The following EPHA10 variants were observed in gnomAD, a reference collection of about 807,000 sequenced individuals.
The protein encoded by EPHA10 is ephrin type-A receptor 10.
In EPHA10, 120 loss-of-function variants were observed where a neutral mutation model predicts 109.7. The ratio of observed to expected loss-of-function variants is 1.09; its 90% CI spans 0.94 to 1.27. EPHA10 has a LOEUF of 1.27. Among genes scored for constraint, EPHA10 ranks in the 50% most tolerant of loss-of-function variants. The pLI, the probability that EPHA10 is intolerant of heterozygous loss-of-function variation, is 0.00. For synonymous variants in EPHA10, 640 were observed against 618.9 expected, an observed-to-expected ratio of 1.03 and a Z score of -0.51; for missense variants, 1,396 against 1,411.1, an observed-to-expected ratio of 0.99 and a Z score of 0.17.
At chr1:37,741,784 G>T (rs990153304) in intron 5 of EPHA10, among the ~76,000 whole-genome samples, 2 of 147,972 alleles carry the variant, frequency 1.4e-5, no homozygotes, top group South Asian at 4.2e-4. Flanking sequence ...CCAAGTCTTT[G>T]TCAAGTGGAC....
chr1:37,719,444 G>T lies in EPHA10; in HGVS notation c.2726C>A (p.Pro909His), dbSNP rs138095126. 1 of 1,613,502 alleles carries T rather than the reference G, an allele frequency of 6.2e-7. No individual in the cohort carries two copies. The change falls in exon 15 of 17, where the codon CCC becomes CAC. Residue 909 changes from proline to histidine, a missense_variant. By Grantham distance (77) the Pro-to-His change is moderately conservative. Transcript: ENST00000373048. ...ACAGGTAGTCAGGGCACACTTGGGG[G>T]GCTCTGGGTCCTGCACCATCTTGCT... ...ILSKMVQDPEPPKCALTTCPR... is the reference protein window; with the variant it reads ...ILSKMVQDPEHPKCALTTCPR...
chr1:37,729,575 A>C (rs1249045709), intron 7 of EPHA10, among the ~76,000 whole-genome samples: 1 of 151,920 alleles, frequency 6.6e-6, no homozygotes, highest in African/African-American at 2.4e-5. Flanking sequence ...AAAAAAGAAA[A>C]AAGAAAAAGA....
intron 5 of EPHA10, among the ~76,000 whole-genome samples, chr1:37,744,644 A>G (rs1646204392): frequency 6.6e-6 from 1 of 150,552 alleles, no homozygotes; most frequent in Non-Finnish European, 1.5e-5. Flanking sequence ...TGGGCAACAG[A>G]GCAAGACTCC....
chr1:37,716,998 T>C lies in EPHA10; in HGVS notation c.*1374A>G, dbSNP rs1645703009. 2 of 232,424 alleles carry C rather than the reference T, an allele frequency of 8.6e-6. No homozygotes were observed. The highest frequency in any genetic ancestry group is 3.6e-4 in the South Asian group (2 of 5,520). The allele number at this position is 232,424 out of a possible 1,614,324, so 14.4% of individuals were successfully genotyped here. On this transcript the variant is annotated 3_prime_UTR_variant, in exon 17 of 17. Transcript: ENST00000373048. ...AAGGGCAGGCTGTGTGTCTTTTTCA[T>C]CTTTACCTCTTGTCTCCTCTTTCCC...
At chr1:37,760,199 AC>A in intron 3 of EPHA10, 1 of 863,534 alleles carries the variant, frequency 1.2e-6, no homozygotes, top group Non-Finnish European at 1.4e-6. Flanking sequence ...CTCCATCTAG[AC>A]TGTGAGCTTC....
rs1288853342 is a variant in EPHA10 at position 37,753,089 on chromosome 1, G to A, written c.1144C>T (p.Arg382Cys). ...TCGCAGGCGCCCGCCGGGCCCTCGC[G>A]GCCGCAGCGCAGGCACAGCAGCGAG... is the stretch of plus-strand genomic sequence containing the variant. ...TYSLLCLRCG[R>C]EGPAGACEPC... is the part of the protein sequence containing the mutation. The change falls in exon 5 of 17, where the codon CGC becomes TGC. Residue 382 changes from arginine (R) to cysteine (C), a missense_variant. By Grantham distance (180) the Arg-to-Cys change is radical (BLOSUM62 -3). Transcript: ENST00000373048. 9 of 1,318,276 alleles carry A rather than the reference G, an allele frequency of 6.8e-6. No individual in the cohort carries two copies. In the South Asian group the frequency reaches 1.8e-4, roughly 26 times the overall value. The allele number at this position is 1,318,276 out of a possible 1,614,324, so 81.7% of individuals were successfully genotyped here.
intron 7 of EPHA10, among the ~76,000 whole-genome samples, chr1:37,729,440 G>A (rs888023330): frequency 1.3e-5 from 2 of 152,200 alleles, no homozygotes; most frequent in African/African-American, 2.4e-5. Context: ...CTTGATTTGG[G>A]GCTGGGCATG....
intron 5 of EPHA10, among the ~76,000 whole-genome samples, chr1:37,748,686 T>C (rs940876340): frequency 2.6e-5 from 4 of 151,940 alleles, no homozygotes; most frequent in Non-Finnish European, 5.9e-5. Context: ...TGCAGAGAGT[T>C]CACACTGAAA....
intron 5 of EPHA10, among the ~76,000 whole-genome samples, chr1:37,741,758 TAA>T (rs11411840): frequency 1.5e-4 from 21 of 143,098 alleles, no homozygotes; most frequent in African/African-American, 4.9e-4. Flanking sequence ...TCTGACCCTT[TAA>T]AAAAAAAAAA....
rs540822321 is a variant in EPHA10 at position 37,754,635 on chromosome 1, G to A, written c.851-265C>T. Among the ~76,000 whole-genome samples the A allele has an allele frequency of 5.6e-5, 2 of 35,838 alleles. No individual in the cohort carries two copies. The highest frequency in any genetic ancestry group is 2.5e-3 in the East Asian group (1 of 402). 23.5% of individuals were successfully genotyped at this position (35,838 alleles called of 152,430 possible). A position where few individuals can be genotyped will look rare whatever the true frequency, so the allele number is the denominator to read the frequency against. On this transcript the variant is annotated intron_variant, in intron 3 of 16. Transcript: ENST00000373048. This position sits in a 1 kb window ranked among gnomAD's most constrained non-coding sequence, Gnocchi z 4.5. The stretch of plus-strand genomic sequence containing the variant: ...CTCATGCCTGTAATCCCAGCACTTT[G>A]GAAGGCCAAAGCTGGAGATCACTTG...
rs1645780335 is a variant in EPHA10 at position 37,720,810 on chromosome 1, G to T, written c.2181C>A (p.Ser727Arg). Residue 727 changes from serine to arginine, a missense_variant, in exon 12 of 17, where the codon AGC (serine) becomes AGA (arginine). Transcript: ENST00000373048. ...TGAGGAAGCCGTCCAGGGCCCCATG[G>T]CTCATGTACTCGGTGACAATCATCA... ...STLMIVTEYM[S>R]HGALDGFLRR... 6.2e-7 allele frequency: 1 copy of T among 1,613,944 alleles called. No homozygotes were observed. The highest frequency in any genetic ancestry group is 1.1e-5 in the South Asian group (1 of 91,090).
At chr1:37,743,542 G>A (rs1646186455) in intron 5 of EPHA10, among the ~76,000 whole-genome samples, 1 of 152,172 alleles carries the variant, frequency 6.6e-6, no homozygotes, top group South Asian at 2.1e-4. Context: ...GGAACATCAA[G>A]TAAAAAATAA....
At chr1:37,757,696 C>A (rs1646401305) in intron 3 of EPHA10, among the ~76,000 whole-genome samples, 1 of 152,122 alleles carries the variant, frequency 6.6e-6, no homozygotes, top group African/African-American at 2.4e-5. Flanking sequence ...TCCCTCATTT[C>A]CCAGAGAAAC....
chr1:37,718,103 G>A lies in EPHA10; in HGVS notation c.*269C>T, dbSNP rs1227714536. ...TGCCCCAGCTTTTCTCTGAGACCCC[G>A]AATTTCCTCCTGCTGTTATCTCAGG... On this transcript the variant is annotated 3_prime_UTR_variant, in exon 17 of 17. Transcript: ENST00000373048. 8 of 456,334 alleles carry A rather than the reference G, an allele frequency of 1.8e-5. No individual in the cohort carries two copies. Among genetic ancestry groups the A allele is most frequent in the South Asian group, 7.5e-5 (2 of 26,764 alleles). 28.3% of individuals were successfully genotyped at this position (456,334 alleles called of 1,614,324 possible). A position where few individuals can be genotyped will look rare whatever the true frequency, so the allele number is the denominator to read the frequency against.
rs148610686 is a variant in EPHA10 at position 37,720,103 on chromosome 1, C to T, written c.2413-45G>A. ...AGGGGCAAGGAGGAACTGGGTGACA[C>T]GCAGGTTTCCCCACCCCACTGAGCC... is the stretch of plus-strand genomic sequence containing the variant. On this transcript the variant is annotated intron_variant, in intron 13 of 16. Coordinates refer to ENST00000373048, the MANE Select transcript of EPHA10 (RefSeq NM_001099439.2). The T allele has an allele frequency of 4.6e-5, 74 of 1,605,720 alleles. 2 individuals are homozygous for T. In the Admixed American group the frequency reaches 8.7e-4, roughly 19 times the overall value.
At chr1:37,740,298 T>C (rs34110660) in intron 5 of EPHA10, among the ~76,000 whole-genome samples, 24,965 of 151,750 alleles carry the variant, frequency 0.16, 2,728 homozygotes, top group East Asian at 0.45. Context: ...TATTTTATTA[T>C]TTATTTATTT....
chr1:37,749,110 G>A (rs1021384469), intron 5 of EPHA10, among the ~76,000 whole-genome samples: 4 of 151,116 alleles, frequency 2.6e-5, no homozygotes, highest in African/African-American at 9.7e-5. Flanking sequence ...TTTTAGTAGA[G>A]ACGGGGTTTC....
rs199558258 is a variant in EPHA10, at chr1:37,719,566, G to A, written c.2604C>T (p.Pro868=). 7.4e-6 allele frequency: 12 copies of A among 1,613,720 alleles called. No homozygotes were observed. The highest frequency in any genetic ancestry group is 4.5e-5 in the East Asian group (2 of 44,896). The change falls in exon 15 of 17, where the codon CCC becomes CCT. Residue 868 remains proline (P), a synonymous_variant. Transcript: ENST00000373048. The stretch of plus-strand genomic sequence containing the variant: ...GGTGCAGAAGGTTAGGACAGTTCCT[G>A]GGGGGTGGCAGCCGGAAGCCATCCT... The part of the protein sequence containing the change: ...AVEDGFRLPP[P]RNCPNLLHRL...
At chr1:37,733,009 C>T (rs1222462262) in intron 6 of EPHA10, among the ~76,000 whole-genome samples, 1 of 150,478 alleles carries the variant, frequency 6.6e-6, no homozygotes, top group Admixed American at 6.6e-5. Context: ...CTCCCTGCCT[C>T]AGCCTCCTGA....
Sources: allele counts gnomAD v4.1 joint callset (sites outside exome capture counted in the v4.1 genomes callset), GRCh38; gene constraint gnomAD v4.1.1; non-coding constraint Gnocchi (gnomAD v3.1); transcripts MANE v1.5; gene names NCBI Gene and HGNC (gene_info 2026-07-23, HGNC 2026-07-21).